The following ATP8A2 variants were observed in gnomAD, a reference collection of about 807,000 sequenced individuals.
ATP8A2 encodes phospholipid-transporting ATPase IB.
A neutral mutation model predicts 165.6 loss-of-function variants in ATP8A2; 100 were observed. That is an observed-to-expected ratio of 0.60 (90% CI 0.51 to 0.71). The LOEUF is 0.71. Among genes scored for constraint, ATP8A2 ranks in the 30% least tolerant of loss-of-function variants. ATP8A2 has a pLI of 0.00. For synonymous variants in ATP8A2, 543 were observed against 548.8 expected, an observed-to-expected ratio of 0.99 and a Z score of 0.15; for missense variants, 1,227 against 1,479.5, an observed-to-expected ratio of 0.83 and a Z score of 2.80.
chr13:25,450,601 G>A (rs577191034), intron 1 of ATP8A2, among the ~76,000 whole-genome samples: 188 of 151,992 alleles, frequency 1.2e-3, no homozygotes, highest in African/African-American at 4.3e-3. Flanking sequence ...GTGTGATCTC[G>A]GCTCACTGCA....
chr13:25,583,475 A>G (rs1454414219), intron 23 of ATP8A2, among the ~76,000 whole-genome samples: 2 of 152,120 alleles, frequency 1.3e-5, no homozygotes, highest in African/African-American at 2.4e-5. Context: ...CTAATAACCT[A>G]TGCGTGTCAC....
intron 27 of ATP8A2, among the ~76,000 whole-genome samples, chr13:25,813,921 C>G (rs578126886): frequency 1.4e-4 from 22 of 152,292 alleles, no homozygotes; most frequent in African/African-American, 5.3e-4. Context: ...TCCTGCCTAG[C>G]TGCCTTCAAA....
intron 24 of ATP8A2, among the ~76,000 whole-genome samples, chr13:25,661,655 A>G (rs1409012299): frequency 1.3e-5 from 2 of 152,198 alleles, no homozygotes; most frequent in Non-Finnish European, 2.9e-5. Flanking sequence ...TTACTTGGGG[A>G]AAGCAAAAAT....
rs180854333 is a variant in ATP8A2 at position 25,384,576 on chromosome 13, C to T, written c.76+12288C>T. On this transcript the variant is annotated intron_variant, in intron 1 of 36. Transcript: ENST00000381655. ...TAATTCGCTCTTCAGCTTTGTTTTG[C>T]GTTGTTTTGTTTTTATCCTTTCCAG... is the stretch of plus-strand genomic sequence containing the variant. Among the ~76,000 whole-genome samples the T allele has an allele frequency of 6.5e-4, 99 of 152,210 alleles. No homozygotes were observed. In the Middle Eastern group the frequency reaches 0.01, roughly 16 times the overall value.
chr13:25,904,217 G>A (rs1205352959), intron 33 of ATP8A2, among the ~76,000 whole-genome samples: 2 of 152,148 alleles, frequency 1.3e-5, no homozygotes, highest in Non-Finnish European at 2.9e-5. Flanking sequence ...TTTTGGATTC[G>A]TGATGCTCAA....
chr13:25,901,453 C>T (rs747907316), intron 33 of ATP8A2, among the ~76,000 whole-genome samples: 2 of 149,648 alleles, frequency 1.3e-5, no homozygotes, highest in Non-Finnish European at 3.0e-5. Flanking sequence ...AAGTTTTGTG[C>T]ACCCATGTCT....
chr13:25,394,502 G>A (rs1593248101), intron 1 of ATP8A2, among the ~76,000 whole-genome samples: 1 of 152,158 alleles, frequency 6.6e-6, no homozygotes, highest in Non-Finnish European at 1.5e-5. Context: ...CTGTGCCCCC[G>A]AGCCTGAGGG....
chr13:25,966,201 G>T (rs1305172636), intron 34 of ATP8A2, among the ~76,000 whole-genome samples: 2 of 152,082 alleles, frequency 1.3e-5, no homozygotes. Context: ...TGGTCATCCA[G>T]CCTCTCGATG....
intron 25 of ATP8A2, among the ~76,000 whole-genome samples, chr13:25,756,684 G>A (rs959515984): frequency 2.0e-5 from 3 of 152,220 alleles, no homozygotes; most frequent in Admixed American, 1.3e-4. Flanking sequence ...GAGAATAACA[G>A]CACCAATTTT....
chr13:25,477,716 C>T (rs1411549588), intron 2 of ATP8A2, among the ~76,000 whole-genome samples: 1 of 152,178 alleles, frequency 6.6e-6, no homozygotes, highest in African/African-American at 2.4e-5. Context: ...GCAGGCAGAT[C>T]ACCTGAGGTC....
intron 1 of ATP8A2, among the ~76,000 whole-genome samples, chr13:25,423,636 G>A (rs1317633683): frequency 6.6e-6 from 1 of 152,150 alleles, no homozygotes; most frequent in African/African-American, 2.4e-5. Flanking sequence ...TTTAGGTTGT[G>A]CAATCTAAAG....
intron 25 of ATP8A2, among the ~76,000 whole-genome samples, chr13:25,744,080 AAACT>A (rs1363127642): frequency 1.3e-5 from 2 of 152,224 alleles, no homozygotes; most frequent in South Asian, 2.1e-4. Context: ...TAATTTTTAC[AAACT>A]AACATCTTCC....
chr13:25,464,983 C>T (rs1045971458), intron 1 of ATP8A2, among the ~76,000 whole-genome samples: 1 of 152,166 alleles, frequency 6.6e-6, no homozygotes, highest in African/African-American at 2.4e-5. Context: ...TAGTGCTTTT[C>T]TCTTTGCTTA....
At chr13:25,946,187 G>A (rs1211500622) in intron 33 of ATP8A2, among the ~76,000 whole-genome samples, 5 of 152,068 alleles carry the variant, frequency 3.3e-5, no homozygotes, top group African/African-American at 9.7e-5. Flanking sequence ...CCTCACTCCC[G>A]ATTCACCACC....
intron 33 of ATP8A2, among the ~76,000 whole-genome samples, chr13:25,863,036 G>A (rs1593467325): frequency 6.6e-6 from 1 of 152,202 alleles, no homozygotes; most frequent in Non-Finnish European, 1.5e-5. Flanking sequence ...CACAGTATTG[G>A]GTGTGGAGAG....
intron 18 of ATP8A2, among the ~76,000 whole-genome samples, chr13:25,572,922 ATATCT>A (rs577042948): frequency 4.6e-4 from 70 of 152,326 alleles, no homozygotes; most frequent in Non-Finnish European, 7.8e-4. Context: ...AACCTATAAA[ATATCT>A]TATCTTATAC....
rs776103787 is a variant in ATP8A2 at position 25,710,732 on chromosome 13, A to G, written c.2384+11387A>G. ...TGGGAAGGCCAGTCTGGTTATGACA[A>G]ATGGTAACACAGTCACAGCATGAGG... On this transcript the variant is annotated intron_variant, in intron 25 of 36. Coordinates refer to ENST00000381655, the MANE Select transcript of ATP8A2 (RefSeq NM_016529.6). Among the ~76,000 whole-genome samples the G allele has an allele frequency of 2.9e-4, 44 of 152,162 alleles. 1 individual carries two copies. Among genetic ancestry groups the G allele is most frequent in the Admixed American group, 2.6e-3 (39 of 15,280 alleles).
intron 1 of ATP8A2, among the ~76,000 whole-genome samples, chr13:25,395,534 T>A (rs1371627540): frequency 6.6e-6 from 1 of 152,092 alleles, no homozygotes; most frequent in Non-Finnish European, 1.5e-5. Context: ...AATTGTCCAT[T>A]TTTATGCTTA....
rs1314601422 is a variant in ATP8A2, at chr13:25,837,416, CCCA to C, written c.2877+139_2877+141del. 12 of 690,122 alleles carry C rather than the reference CCCA, an allele frequency of 1.7e-5. No individual in the cohort carries two copies. The African/African-American group carries it at 1.8e-4, about 11-fold the overall frequency. 42.7% of individuals were successfully genotyped at this position (690,122 alleles called of 1,614,324 possible). On this transcript the variant is annotated intron_variant, in intron 29 of 36. Coordinates refer to ENST00000381655, the MANE Select transcript of ATP8A2 (RefSeq NM_016529.6). ...AGTGCTGAAAACATGATCCACTCACCCCACCACCACACACACACACACACACAC... is the reference window on the plus strand; with the variant it reads ...AGTGCTGAAAACATGATCCACTCACCCCACCACACACACACACACACACAC...
Sources: allele counts gnomAD v4.1 joint callset (sites outside exome capture counted in the v4.1 genomes callset), GRCh38; gene constraint gnomAD v4.1.1; transcripts MANE v1.5; gene names NCBI Gene and HGNC (gene_info 2026-07-23, HGNC 2026-07-21).